Variants in PAH observed in about 807,000 individuals in gnomAD.
PAH encodes phenylalanine hydroxylase.
A neutral mutation model predicts 62.0 loss-of-function variants in PAH; 64 were observed. The ratio of observed to expected loss-of-function variants is 1.03; its 90% CI spans 0.84 to 1.27. The LOEUF (loss-of-function observed/expected upper bound fraction) is 1.27, where lower values mean the gene tolerates loss of function less well. Ranked by LOEUF, PAH falls within the 50% of genes most tolerant of loss-of-function variation. PAH has a pLI of 0.00. For missense variants in PAH, 579 were observed against 542.8 expected, an observed-to-expected ratio of 1.07 and a Z score of -0.66; for synonymous variants, 195 against 196.2, an observed-to-expected ratio of 0.99 and a Z score of 0.05.
chr12:102,908,235 C>G (rs913409500), intron 2 of PAH, among the ~76,000 whole-genome samples: 2 of 151,646 alleles, frequency 1.3e-5, no homozygotes, highest in Non-Finnish European at 2.9e-5. Flanking sequence ...CACACACACA[C>G]ACACACACAC....
In PAH at chr12:102,958,204, C is replaced by G. The variant is rs1249565678; in HGVS notation, c.-105G>C. 9.8e-6 allele frequency: 14 copies of G among 1,422,300 alleles called. No homozygotes were observed. The East Asian group carries it at 4.3e-4, about 43-fold the overall frequency. The allele number at this position is 1,422,300 out of a possible 1,614,324, so 88.1% of individuals were successfully genotyped here. ...CTCGCGGGCCCCGCACCTCGCGTCC[C>G]GGATCGCTCTGATTCCGCGACTCCT... is the stretch of plus-strand genomic sequence containing the variant. On this transcript the variant is annotated 5_prime_UTR_variant, in exon 1 of 5. Coordinates refer to the PAH transcript ENST00000551337.
At chr12:102,850,901 T>C (rs1238528023) in intron 8 of PAH, among the ~76,000 whole-genome samples, 1 of 152,086 alleles carries the variant, frequency 6.6e-6, no homozygotes, top group Non-Finnish European at 1.5e-5. Context: ...CTCAGCAATG[T>C]AGTGAGACTC....
intron 4 of PAH, among the ~76,000 whole-genome samples, chr12:102,869,724 G>T (rs1876215891): frequency 1.3e-5 from 2 of 152,168 alleles, no homozygotes; most frequent in African/African-American, 4.8e-5. Flanking sequence ...TGCTTTCTCA[G>T]TTACCAGTGG....
At chr12:102,846,974 C>T (rs1388587940) in intron 8 of PAH, 23 bp from the exon 9 acceptor site, 1 of 1,607,160 alleles carries the variant, frequency 6.2e-7, no homozygotes. Context: ...GAAAATAGAA[C>T]CTGTTCTGTT....
At chr12:102,880,876 T>G (rs1426138684) in intron 3 of PAH, among the ~76,000 whole-genome samples, 1 of 151,962 alleles carries the variant, frequency 6.6e-6, no homozygotes, top group African/African-American at 2.4e-5. Context: ...TTTTAAAAAA[T>G]TCCATCTTTA....
At chr12:102,876,989 C>T (rs1038206494) in intron 4 of PAH, among the ~76,000 whole-genome samples, 35 of 152,182 alleles carry the variant, frequency 2.3e-4, no homozygotes, top group Admixed American at 7.2e-4. Context: ...TTCTCATACA[C>T]TGTTCTTTCA....
chr12:102,954,654 G>T (rs1228305591), upstream of PAH, among the ~76,000 whole-genome samples: 1 of 152,186 alleles, frequency 6.6e-6, no homozygotes, highest in South Asian at 2.1e-4. Context: ...AGCAGAACAT[G>T]TGGCCAGTTC....
At chr12:102,936,279 A>G (rs915109308) in intron 1 of PAH, among the ~76,000 whole-genome samples, 4 of 152,126 alleles carry the variant, frequency 2.6e-5, no homozygotes, top group African/African-American at 9.7e-5. Flanking sequence ...TGAACTTTTT[A>G]AAGACTCTTT....
chr12:102,938,711 A>G (rs1172265018), intron 1 of PAH, among the ~76,000 whole-genome samples: 2 of 151,958 alleles, frequency 1.3e-5, no homozygotes, highest in East Asian at 3.9e-4. Flanking sequence ...CTTGGCCCTC[A>G]CCTCTACTTC....
At chr12:102,892,201 C>G (rs181159719) in intron 3 of PAH, among the ~76,000 whole-genome samples, 4 of 152,270 alleles carry the variant, frequency 2.6e-5, no homozygotes, top group African/African-American at 9.6e-5. Flanking sequence ...AGAGATGAGT[C>G]TCCTAGAAAG....
intron 8 of PAH, 31 bp from the exon 9 acceptor site, chr12:102,846,982 G>C (rs368834917): frequency 6.3e-7 from 1 of 1,597,360 alleles, no homozygotes; most frequent in Non-Finnish European, 8.6e-7. Context: ...AACCTGTTCT[G>C]TTCCTGTAAT....
intron 2 of PAH, among the ~76,000 whole-genome samples, chr12:102,900,904 A>G (rs1029998932): frequency 6.6e-6 from 1 of 152,194 alleles, no homozygotes; most frequent in South Asian, 2.1e-4. Context: ...CGGGGAAGGC[A>G]ATAAAGGCTT....
intron 1 of PAH, among the ~76,000 whole-genome samples, chr12:102,940,831 T>C (rs1879261590): frequency 6.6e-6 from 1 of 152,156 alleles, no homozygotes; most frequent in Non-Finnish European, 1.5e-5. Flanking sequence ...GAACCTCTGA[T>C]ATACTATAAA....
chr12:102,908,382 C>T (rs541367182), intron 2 of PAH, among the ~76,000 whole-genome samples: 18 of 152,274 alleles, frequency 1.2e-4, no homozygotes, highest in African/African-American at 3.8e-4. Flanking sequence ...TAAGGGGCAA[C>T]CTCTCAAGGA....
rs570112450 is a variant in PAH, at chr12:102,879,458, A to G, written c.353-1908T>C. 3.9e-5 allele frequency among the ~76,000 whole-genome samples: 6 copies of G among 152,026 alleles called. No homozygotes were observed. In the East Asian group the frequency reaches 1.2e-3, roughly 29 times the overall value. ...GAGCCTCAGGAGGAGCAGCAGCTGC[A>G]TTCCAGCAAAACAAGGAGAGCTGAT... On this transcript the variant is annotated intron_variant, in intron 3 of 12. Coordinates refer to ENST00000553106, the MANE Select transcript of PAH (RefSeq NM_000277.3).
chr12:102,871,321 G>A (rs1157807787), intron 4 of PAH, among the ~76,000 whole-genome samples: 2 of 152,152 alleles, frequency 1.3e-5, no homozygotes, highest in East Asian at 3.9e-4. Flanking sequence ...GCTGCAGAGT[G>A]CACTGGTCTT....
In PAH at chr12:102,838,874, C is replaced by T; in HGVS notation, c.*301G>A. 2.3e-6 allele frequency: 1 copy of T among 434,546 alleles called. No homozygotes were observed. The highest frequency in any genetic ancestry group is 4.2e-6 in the Non-Finnish European group (1 of 238,860). 26.9% of individuals were successfully genotyped at this position (434,546 alleles called of 1,614,324 possible). A position where few individuals can be genotyped will look rare whatever the true frequency, so the allele number is the denominator to read the frequency against. ...ATATGAAGCTTGAATGAAGCAGGTC[C>T]CAAATTTTAATTAATCTTGATGAAA... On this transcript the variant is annotated 3_prime_UTR_variant, in exon 13 of 13. Coordinates refer to ENST00000553106, the MANE Select transcript of PAH (RefSeq NM_000277.3).
At chr12:102,865,797 T>G (rs1040850415) in intron 5 of PAH, among the ~76,000 whole-genome samples, 1 of 152,182 alleles carries the variant, frequency 6.6e-6, no homozygotes, top group South Asian at 2.1e-4. Context: ...GTATTCAGTA[T>G]AGAAAGGCCC....
intron 9 of PAH, among the ~76,000 whole-genome samples, chr12:102,845,581 G>A (rs1184349963): frequency 6.6e-6 from 1 of 152,142 alleles, no homozygotes; most frequent in African/African-American, 2.4e-5. Flanking sequence ...AGAATATTGG[G>A]GTTCTGGGGC....
Sources: allele counts gnomAD v4.1 joint callset (sites outside exome capture counted in the v4.1 genomes callset), GRCh38; gene constraint gnomAD v4.1.1; transcripts MANE v1.5; gene names NCBI Gene and HGNC (gene_info 2026-07-23, HGNC 2026-07-21).